SLC38A12: variants seen among roughly 807,000 people sequenced by gnomAD.
SLC38A12 encodes putative sodium-coupled neutral amino acid transporter 12.
chr17:74,813,198 C>T, the SLC38A12 span, among the ~76,000 whole-genome samples: 41 of 152,294 alleles, frequency 2.7e-4, no homozygotes, highest in Admixed American at 2.6e-3. Flanking sequence ...CACTGCTGGC[C>T]GCTTTGGCCA....
At chr17:74,805,940 A>G in the SLC38A12 span, among the ~76,000 whole-genome samples, 2 of 152,150 alleles carry the variant, frequency 1.3e-5, no homozygotes, top group African/African-American at 2.4e-5. This position sits in a 1 kb window ranked among gnomAD's most constrained non-coding sequence, Gnocchi z 5.0. Context: ...CGGGGGATTG[A>G]CAGCTAGACT....
the SLC38A12 span, chr17:74,836,899 A>G: frequency 7.3e-7 from 1 of 1,366,530 alleles, no homozygotes. This position sits in a 1 kb window ranked among gnomAD's most constrained non-coding sequence, Gnocchi z 4.2. Context: ...CTCTCCCACC[A>G]GGTCCTTCTG....
At chr17:74,801,844 A>G in the SLC38A12 span, among the ~76,000 whole-genome samples, 1 of 152,122 alleles carries the variant, frequency 6.6e-6, no homozygotes, top group East Asian at 1.9e-4. Flanking sequence ...TAGACCAGGA[A>G]TGGCTTCTTG....
chr17:74,805,260 G>A, the SLC38A12 span, among the ~76,000 whole-genome samples: 1 of 152,238 alleles, frequency 6.6e-6, no homozygotes, highest in African/African-American at 2.4e-5. This position sits in a 1 kb window ranked among gnomAD's most constrained non-coding sequence, Gnocchi z 5.0. Flanking sequence ...TGCAGGGAAA[G>A]GAGAGGGGCT....
chr17:74,824,492 G>A, the SLC38A12 span, among the ~76,000 whole-genome samples: 1 of 152,246 alleles, frequency 6.6e-6, no homozygotes, highest in Non-Finnish European at 1.5e-5. Context: ...AGTATTGGCA[G>A]CTTCATTACT....
the SLC38A12 span, among the ~76,000 whole-genome samples, chr17:74,793,956 C>T: frequency 6.6e-6 from 1 of 152,182 alleles, no homozygotes; most frequent in African/African-American, 2.4e-5. Context: ...ACCCTGCAGG[C>T]TCTTCTGAGC....
the SLC38A12 span, among the ~76,000 whole-genome samples, chr17:74,816,749 G>C: frequency 2.0e-5 from 3 of 151,908 alleles, no homozygotes; most frequent in Non-Finnish European, 2.9e-5. Flanking sequence ...TAATGAGTTG[G>C]GCTACAAGAG....
the SLC38A12 span, chr17:74,788,784 C>G: frequency 1.2e-6 from 2 of 1,612,546 alleles, no homozygotes; most frequent in African/African-American, 1.3e-5. Context: ...ACTCGGCCCC[C>G]TCAGCTTCGT....
At chr17:74,794,897 C>G in the SLC38A12 span, 3 of 845,320 alleles carry the variant, frequency 3.5e-6, no homozygotes, top group East Asian at 7.5e-5. Context: ...GTAAACAGCT[C>G]AGAGAACTGA....
chr17:74,825,499 C>T, the SLC38A12 span, among the ~76,000 whole-genome samples: 8 of 152,236 alleles, frequency 5.3e-5, no homozygotes, highest in African/African-American at 1.9e-4. Context: ...AGCCATGTGC[C>T]GCCAAATGAC....
At chr17:74,794,360 A>T in the SLC38A12 span, among the ~76,000 whole-genome samples, 1 of 152,182 alleles carries the variant, frequency 6.6e-6, no homozygotes, top group Non-Finnish European at 1.5e-5. Context: ...AGTATCACAC[A>T]CCATCCAGAG....
the SLC38A12 span, among the ~76,000 whole-genome samples, chr17:74,778,639 C>CTT: frequency 0.018 from 1,378 of 75,826 alleles, 137 homozygotes; most frequent in African/African-American, 0.072. Flanking sequence ...CAGGGGAAGT[C>CTT]TTTTTTTTTT....
At chr17:74,792,157 AAAG>A in the SLC38A12 span, among the ~76,000 whole-genome samples, 1 of 151,284 alleles carries the variant, frequency 6.6e-6, no homozygotes, top group Non-Finnish European at 1.5e-5. Flanking sequence ...AAAAAAAAAA[AAAG>A]AATTTAATGG....
the SLC38A12 span, among the ~76,000 whole-genome samples, chr17:74,831,404 G>T: frequency 6.6e-6 from 1 of 152,308 alleles, no homozygotes; most frequent in Non-Finnish European, 1.5e-5. Context: ...GTCCAGTTGG[G>T]CCCATGGGTG....
At chr17:74,790,873 A>G in the SLC38A12 span, 1 of 1,262,916 alleles carries the variant, frequency 7.9e-7, no homozygotes, top group Non-Finnish European at 1.1e-6. Flanking sequence ...CATGGTTTAG[A>G]TAATTCAGTG....
At chr17:74,787,182 G>A in the SLC38A12 span, among the ~76,000 whole-genome samples, 1 of 152,188 alleles carries the variant, frequency 6.6e-6, no homozygotes, top group East Asian at 1.9e-4. Flanking sequence ...GAGTGGGAGT[G>A]AGTGTGGGTT....
At chr17:74,792,077 C>T in the SLC38A12 span, among the ~76,000 whole-genome samples, 1 of 151,496 alleles carries the variant, frequency 6.6e-6, no homozygotes, top group Non-Finnish European at 1.5e-5. Context: ...ATCCTGGAGG[C>T]GGAGCTTGCA....
the SLC38A12 span, among the ~76,000 whole-genome samples, chr17:74,830,612 A>G: frequency 6.6e-6 from 1 of 152,240 alleles, no homozygotes; most frequent in Non-Finnish European, 1.5e-5. Context: ...GATATTAACA[A>G]GAACCTTGGC....
chr17:74,824,888 G>A, the SLC38A12 span, among the ~76,000 whole-genome samples: 2 of 152,188 alleles, frequency 1.3e-5, no homozygotes, highest in South Asian at 4.1e-4. Flanking sequence ...GGGACATGGT[G>A]GTGGTGGCAG....
Sources: allele counts gnomAD v4.1 joint callset (sites outside exome capture counted in the v4.1 genomes callset), GRCh38; gene constraint gnomAD v4.1.1; non-coding constraint Gnocchi (gnomAD v3.1); transcripts MANE v1.5; gene names NCBI Gene and HGNC (gene_info 2026-07-23, HGNC 2026-07-21).